COPG2: variants seen among roughly 807,000 people sequenced by gnomAD.
COPG2 encodes coat protein complex I subunit gamma 2, also known as coatomer subunit gamma-2.
Under a neutral mutation model 46.3 loss-of-function variants are expected in COPG2, and 37 were observed. That is an observed-to-expected ratio of 0.80 (90% CI 0.61 to 1.05). The LOEUF (loss-of-function observed/expected upper bound fraction) is 1.05, where lower values mean the gene tolerates loss of function less well. COPG2 is among the 50% of genes least tolerant of loss of function. COPG2 has a pLI of 0.00. For synonymous variants in COPG2, 159 were observed against 129.7 expected (o/e 1.23, Z -1.53); for missense variants, 427 against 387.8 (o/e 1.10, Z -0.85).
At chr7:130,540,551 C>T (rs1799925868) in intron 20 of COPG2, among the ~76,000 whole-genome samples, 1 of 151,946 alleles carries the variant, frequency 6.6e-6, no homozygotes, top group Non-Finnish European at 1.5e-5. Flanking sequence ...AACAAGTTTC[C>T]AATGCAGACT....
At chr7:130,563,760 AAAAAAAAAAAAAAG>A (rs1313176017) in intron 10 of COPG2, among the ~76,000 whole-genome samples, 7 of 122,802 alleles carry the variant, frequency 5.7e-5, no homozygotes, top group East Asian at 4.5e-4. Flanking sequence ...CGTCTCAAAA[AAAAAAAAAAAAAAG>A]AAAAAAAAAA....
intron 9 of COPG2, chr7:130,604,596 T>G (rs1465438622): frequency 1.3e-5 from 4 of 309,542 alleles, no homozygotes; most frequent in Non-Finnish European, 2.5e-5. Context: ...GCATTTCCTA[T>G]ATATATAGCC....
chr7:130,524,766 A>G (rs1799758249), intron 20 of COPG2, among the ~76,000 whole-genome samples: 1 of 152,144 alleles, frequency 6.6e-6, no homozygotes, highest in Admixed American at 6.5e-5. Flanking sequence ...AGGGCATAGA[A>G]GTGCTGCTAC....
At chr7:130,532,444 A>G (rs960170925) in intron 20 of COPG2, among the ~76,000 whole-genome samples, 1 of 151,986 alleles carries the variant, frequency 6.6e-6, no homozygotes, top group Non-Finnish European at 1.5e-5. Context: ...TATGGGCGCT[A>G]AGGAGGGAGG....
At chr7:130,526,484 C>T (rs887836708) in intron 20 of COPG2, among the ~76,000 whole-genome samples, 4 of 151,852 alleles carry the variant, frequency 2.6e-5, no homozygotes, top group East Asian at 2.0e-4. Context: ...GGAAGTGGGA[C>T]GATAAGGCAG....
intron 17 of COPG2, among the ~76,000 whole-genome samples, chr7:130,549,718 GA>G (rs1476971481): frequency 6.6e-6 from 1 of 152,202 alleles, no homozygotes. Context: ...CAGAAAAACT[GA>G]AAATGTTGAA....
At chr7:130,533,008 G>T (rs1799843796) in intron 20 of COPG2, among the ~76,000 whole-genome samples, 2 of 152,116 alleles carry the variant, frequency 1.3e-5, no homozygotes, top group African/African-American at 4.8e-5. Context: ...CCTAGGCCCA[G>T]GAGCTGGGAG....
intron 20 of COPG2, among the ~76,000 whole-genome samples, chr7:130,520,602 A>C (rs981622002): frequency 0.013 from 1,980 of 152,328 alleles, 41 homozygotes; most frequent in African/African-American, 0.044. Context: ...ACCCAAGCCT[A>C]CTTGAGATAG....
At position 130,591,091 on chromosome 7, in the gene COPG2, TG is replaced by T. The variant is rs1200673430; in HGVS notation, c.737+19861del. 3.4e-4 allele frequency among the ~76,000 whole-genome samples: 30 copies of T among 88,114 alleles called. No homozygotes were observed. The East Asian group carries it at 3.7e-3, about 11-fold the overall frequency. The allele number at this position is 88,114 out of a possible 152,430, so 57.8% of individuals were successfully genotyped here. On this transcript the variant is annotated intron_variant, in intron 9 of 23. Transcript: ENST00000425248. Reference sequence around the variant, plus strand: ...CCAGCCGCCCCGTCCAGAAGGGAGGTGGGGGGGTCAGCCCCCCGCCCGGCCA... The same window carrying T: ...CCAGCCGCCCCGTCCAGAAGGGAGGTGGGGGGTCAGCCCCCCGCCCGGCCA...
intron 20 of COPG2, among the ~76,000 whole-genome samples, chr7:130,523,527 G>A (rs1799745324): frequency 6.6e-6 from 1 of 152,154 alleles, no homozygotes; most frequent in Non-Finnish European, 1.5e-5. Flanking sequence ...TGGGGCTGAT[G>A]GAGGCCATCA....
intron 20 of COPG2, chr7:130,509,932 G>A (rs1166053551): frequency 8.5e-6 from 4 of 473,164 alleles, no homozygotes; most frequent in Non-Finnish European, 1.7e-5. Context: ...GCAAGCAGAG[G>A]AAGATGTACA....
intron 9 of COPG2, among the ~76,000 whole-genome samples, chr7:130,591,105 C>T (rs1347138580): frequency 2.3e-5 from 3 of 128,602 alleles, no homozygotes; most frequent in African/African-American, 5.4e-5. Flanking sequence ...GGGGTCAGCC[C>T]CCCGCCCGGC....
At chr7:130,652,618 AGTTTT>A (rs1795770152) in intron 5 of COPG2, among the ~76,000 whole-genome samples, 1 of 151,978 alleles carries the variant, frequency 6.6e-6, no homozygotes, top group Non-Finnish European at 1.5e-5. Flanking sequence ...TTTACTTTTT[AGTTTT>A]ATCCATTTTT....
intron 9 of COPG2, among the ~76,000 whole-genome samples, chr7:130,599,375 T>A (rs1304602089): frequency 1.3e-5 from 2 of 152,190 alleles, no homozygotes; most frequent in African/African-American, 2.4e-5. Context: ...TATATGCTCA[T>A]TAACATACTA....
At chr7:130,543,093 G>C (rs1793370141) in intron 20 of COPG2, among the ~76,000 whole-genome samples, 1 of 152,192 alleles carries the variant, frequency 6.6e-6, no homozygotes, top group African/African-American at 2.4e-5. Context: ...AACTGATATG[G>C]AAGGCAGTGT....
At chr7:130,520,713 G>C (rs1799716942) in intron 20 of COPG2, among the ~76,000 whole-genome samples, 1 of 152,146 alleles carries the variant, frequency 6.6e-6, no homozygotes, top group Non-Finnish European at 1.5e-5. Context: ...CATAATATGA[G>C]CGGGACAATT....
At chr7:130,605,736 T>C (rs1554451128) in intron 9 of COPG2, 2 of 519,818 alleles carry the variant, frequency 3.8e-6, no homozygotes, top group Non-Finnish European at 7.7e-6. Flanking sequence ...TGGAAGTGGA[T>C]TCTTCCTCAA....
chr7:130,567,174 A>T (rs1793817710), intron 9 of COPG2, among the ~76,000 whole-genome samples: 1 of 152,200 alleles, frequency 6.6e-6, no homozygotes, highest in Non-Finnish European at 1.5e-5. Context: ...GTTTTCACTT[A>T]TAAGGGAAGC....
chr7:130,575,005 G>GA (rs1443546200), intron 9 of COPG2, among the ~76,000 whole-genome samples: 10 of 151,924 alleles, frequency 6.6e-5, no homozygotes, highest in African/African-American at 2.4e-4. Context: ...AATAAAGACA[G>GA]AAAAAGGAAT....
Sources: allele counts gnomAD v4.1 joint callset (sites outside exome capture counted in the v4.1 genomes callset), GRCh38; gene constraint gnomAD v4.1.1; transcripts MANE v1.5; gene names NCBI Gene and HGNC (gene_info 2026-07-23, HGNC 2026-07-21).